Variants in RNF152 observed in about 807,000 individuals in gnomAD.
RNF152 encodes E3 ubiquitin-protein ligase RNF152.
Under a neutral mutation model 12.7 loss-of-function variants are expected in RNF152, and 11 were observed. The ratio of observed to expected loss-of-function variants is 0.86; its 90% confidence interval spans 0.54 to 1.43. The LOEUF is 1.43. RNF152 is among the 40% of genes most tolerant of loss of function. RNF152 has a pLI of 0.00. For synonymous variants in RNF152, 113 were observed against 120.3 expected (o/e 0.94, Z 0.40); for missense variants, 255 against 274.8 (o/e 0.93, Z 0.51).
Position 61,815,133 on chromosome 18 carries a change from G to C in RNF152, c.*719C>G, listed in dbSNP as rs1489471218. The stretch of plus-strand genomic sequence containing the variant: ...AAATCGGCATACAGGTTTTCCCATG[G>C]GATTAGACATTTCTCATGATTTCTC... On this transcript the variant is annotated 3_prime_UTR_variant, in exon 2 of 2. Transcript: ENST00000312828. The C allele has an allele frequency of 6.6e-6, 1 of 152,494 alleles. No homozygotes were observed. Among genetic ancestry groups the C allele is most frequent in the Non-Finnish European group, 1.5e-5 (1 of 68,022 alleles). 9.4% of individuals were successfully genotyped at this position (152,494 alleles called of 1,614,324 possible).
chr18:61,862,171 C>T (rs1911517572), intron 1 of RNF152, among the ~76,000 whole-genome samples: 1 of 152,092 alleles, frequency 6.6e-6, no homozygotes, highest in Admixed American at 6.5e-5. Context: ...AATACAAAGC[C>T]CTGCCTCCTC....
intron 1 of RNF152, among the ~76,000 whole-genome samples, chr18:61,837,235 T>C (rs1378986714): frequency 6.6e-6 from 1 of 152,122 alleles, no homozygotes; most frequent in African/African-American, 2.4e-5. Context: ...GCAACGAGAT[T>C]GTTCTAGATT....
At chr18:61,852,072 T>C (rs1045711196) in intron 1 of RNF152, among the ~76,000 whole-genome samples, 1 of 152,166 alleles carries the variant, frequency 6.6e-6, no homozygotes, top group Non-Finnish European at 1.5e-5. Flanking sequence ...AGGGGGCACA[T>C]GTGCTCTCAA....
Position 61,815,863 on chromosome 18 carries a change from A to G in RNF152, c.601T>C (p.Ser201Pro). Residue 201 changes from serine to proline, a missense_variant, in exon 2 of 2, where the codon TCC becomes CCC. Transcript: ENST00000312828. ...CCCTGCAGCCCTCTTCAGCCACAGG[A>G]TATCACAGTGAAGCGCTTAGAAATG... is the stretch of plus-strand genomic sequence containing the variant. ...SCISKRFTVI[S>P]CG 3.7e-6 allele frequency: 6 copies of G among 1,613,976 alleles called. No homozygotes were observed. Among genetic ancestry groups the G allele is most frequent in the Non-Finnish European group, 5.1e-6 (6 of 1,179,872 alleles).
chr18:61,872,541 A>G (rs74577203), intron 1 of RNF152, among the ~76,000 whole-genome samples: 4,853 of 152,262 alleles, frequency 0.032, 267 homozygotes, highest in African/African-American at 0.11. Context: ...TATTCATGAA[A>G]TCATGCCCCT....
chr18:61,880,696 T>C (rs775374924), intron 1 of RNF152, among the ~76,000 whole-genome samples: 1 of 152,242 alleles, frequency 6.6e-6, no homozygotes, highest in Non-Finnish European at 1.5e-5. Context: ...TAAATTTCCA[T>C]GTCATTTTGT....
chr18:61,863,910 TG>T (rs2144722401), intron 1 of RNF152, among the ~76,000 whole-genome samples: 1 of 152,244 alleles, frequency 6.6e-6, no homozygotes, highest in Non-Finnish European at 1.5e-5. Context: ...GGAACTTGGG[TG>T]GTGAGCTCCC....
At position 61,812,558 on chromosome 18, in the gene RNF152, C is replaced by T. The variant is rs1274721114; in HGVS notation, c.*3294G>A. The T allele has an allele frequency of 1.3e-5, 2 of 152,178 alleles. No homozygotes were observed. The highest frequency in any genetic ancestry group is 2.4e-5 in the African/African-American group (1 of 41,432). The allele number at this position is 152,178 out of a possible 1,614,324, so 9.4% of individuals were successfully genotyped here. ...TCATTATACAAAATTTTTCCAAAGA[C>T]AATGCTTCTTAGTAGCATTCTTGGC... On this transcript the variant is annotated 3_prime_UTR_variant, in exon 2 of 2. Transcript: ENST00000312828.
In RNF152 at chr18:61,811,857, T is replaced by C. The variant is rs1444884235; in HGVS notation, c.*3995A>G. 3 of 152,184 alleles carry C rather than the reference T, an allele frequency of 2.0e-5. No homozygotes were observed. The highest frequency in any genetic ancestry group is 7.2e-5 in the African/African-American group (3 of 41,454). The allele number at this position is 152,184 out of a possible 1,614,324, so 9.4% of individuals were successfully genotyped here. On this transcript the variant is annotated 3_prime_UTR_variant, in exon 2 of 2. Coordinates refer to ENST00000312828, the MANE Select transcript of RNF152 (RefSeq NM_173557.3). Reference sequence around the variant, plus strand: ...ACAGGTACTGTCTAACTACTATTTTTGGACAATAGGTTAACATGCAGCTAA... The same window carrying C: ...ACAGGTACTGTCTAACTACTATTTTCGGACAATAGGTTAACATGCAGCTAA...
chr18:61,882,001 AAAAAG>A (rs1240745844), intron 1 of RNF152, among the ~76,000 whole-genome samples: 16 of 152,232 alleles, frequency 1.1e-4, no homozygotes, highest in Admixed American at 5.9e-4. Context: ...CTCTGTTGGA[AAAAAG>A]AAAAGTAAAC....
intron 1 of RNF152, among the ~76,000 whole-genome samples, chr18:61,872,447 G>A (rs150820859): frequency 2.4e-4 from 36 of 152,244 alleles, no homozygotes; most frequent in Non-Finnish European, 4.1e-4. Context: ...TACTATCAGA[G>A]CCAAAACTAT....
chr18:61,842,620 A>C (rs1910503844), intron 1 of RNF152, among the ~76,000 whole-genome samples: 1 of 152,150 alleles, frequency 6.6e-6, no homozygotes, highest in Non-Finnish European at 1.5e-5. Context: ...CCTGTGTATT[A>C]GTCTATTTTT....
chr18:61,814,126 T>C lies in RNF152; in HGVS notation c.*1726A>G, dbSNP rs1190042057. 1 of 152,240 alleles carries C rather than the reference T, an allele frequency of 6.6e-6. No individual in the cohort carries two copies. Among genetic ancestry groups the C allele is most frequent in the Non-Finnish European group, 1.5e-5 (1 of 68,034 alleles). The allele number at this position is 152,240 out of a possible 1,614,324, so 9.4% of individuals were successfully genotyped here. A position where few individuals can be genotyped will look rare whatever the true frequency, so the allele number is the denominator to read the frequency against. On this transcript the variant is annotated 3_prime_UTR_variant, in exon 2 of 2. Transcript: ENST00000312828. ...GAATTCTCATGCCAATTAGCAGTATTAGCTTTGTATTCTAGCCATTATATT... is the reference window on the plus strand; with the variant it reads ...GAATTCTCATGCCAATTAGCAGTATCAGCTTTGTATTCTAGCCATTATATT...
intron 1 of RNF152, among the ~76,000 whole-genome samples, chr18:61,868,979 T>G (rs1395775876): frequency 6.6e-6 from 1 of 152,184 alleles, no homozygotes; most frequent in African/African-American, 2.4e-5. Context: ...CCCAGTTTCA[T>G]GATGAGAGTA....
rs531082829 is a variant in RNF152 at position 61,820,105 on chromosome 18, G to A, written c.-135-3507C>T. ...AGCACTTTGGGAGGCTGAGGCAGGC[G>A]GATCACGAGGTCAGGAGATCGAGAC... is the stretch of plus-strand genomic sequence containing the variant. On this transcript the variant is annotated intron_variant, in intron 1 of 1. Coordinates refer to ENST00000312828, the MANE Select transcript of RNF152 (RefSeq NM_173557.3). Among the ~76,000 whole-genome samples, 134 of 150,824 alleles carry A rather than the reference G, an allele frequency of 8.9e-4. 2 individuals carry two copies. Among genetic ancestry groups the A allele is most frequent in the African/African-American group, 3.0e-3 (122 of 41,154 alleles).
intron 1 of RNF152, among the ~76,000 whole-genome samples, chr18:61,820,486 C>G (rs948285902): frequency 5.3e-5 from 8 of 151,686 alleles, no homozygotes; most frequent in African/African-American, 1.9e-4. Context: ...AGTGCACAGA[C>G]AGCAATCAGG....
At chr18:61,865,520 A>T (rs1272623218) in intron 1 of RNF152, among the ~76,000 whole-genome samples, 1 of 152,178 alleles carries the variant, frequency 6.6e-6, no homozygotes, top group Non-Finnish European at 1.5e-5. Flanking sequence ...GGCAGCACAA[A>T]AAACGCAATA....
chr18:61,854,376 G>T (rs1003716460), intron 1 of RNF152, among the ~76,000 whole-genome samples: 1 of 152,198 alleles, frequency 6.6e-6, no homozygotes, highest in African/African-American at 2.4e-5. Flanking sequence ...AGTTTTGAGA[G>T]TGCAAAATAA....
chr18:61,857,534 T>A (rs1024440232), intron 1 of RNF152, among the ~76,000 whole-genome samples: 3 of 152,182 alleles, frequency 2.0e-5, no homozygotes, highest in African/African-American at 7.2e-5. Context: ...AAGAGAATGT[T>A]CCCCACAATC....
Sources: allele counts gnomAD v4.1 joint callset (sites outside exome capture counted in the v4.1 genomes callset), GRCh38; gene constraint gnomAD v4.1.1; transcripts MANE v1.5; gene names NCBI Gene and HGNC (gene_info 2026-07-23, HGNC 2026-07-21).